TLE1: variants seen among roughly 807,000 people sequenced by gnomAD.
TLE1 encodes the protein TLE family member 1, transcriptional corepressor.
Under a neutral mutation model 89.8 loss-of-function variants are expected in TLE1, and 21 were observed. The observed-to-expected ratio is 0.23, with a 90% CI of 0.17 to 0.34. TLE1 has a LOEUF of 0.34. Ranked by LOEUF, TLE1 falls within the 10% of genes least tolerant of loss-of-function variation. The pLI is 1.00. For missense variants in TLE1, 795 were observed against 1,031.2 expected (o/e 0.77, Z 3.14); for synonymous variants, 447 against 407.6 (o/e 1.10, Z -1.16).
At chr9:81,615,081 C>CAAAAAAAAAAAAAAAA (rs34947337) in intron 11 of TLE1, among the ~76,000 whole-genome samples, 5 of 25,094 alleles carry the variant, frequency 2.0e-4, no homozygotes, top group Non-Finnish European at 3.4e-4. Context: ...GACTCCATCT[C>CAAAAAAAAAAAAAAAA]AAAAAAAAAA....
At chr9:81,630,332 C>T (rs1212644320) in intron 8 of TLE1, among the ~76,000 whole-genome samples, 3 of 152,122 alleles carry the variant, frequency 2.0e-5, no homozygotes, top group African/African-American at 7.2e-5. Flanking sequence ...ACTCAATAAA[C>T]TACAAGGCAT....
At chr9:81,643,050 G>C (rs991771057) in intron 6 of TLE1, among the ~76,000 whole-genome samples, 1 of 152,156 alleles carries the variant, frequency 6.6e-6, no homozygotes, top group African/African-American at 2.4e-5. Context: ...GCAGAGAGTA[G>C]AATGGCGGCT....
At chr9:81,679,450 T>C (rs1833327978) in intron 4 of TLE1, among the ~76,000 whole-genome samples, 1 of 152,186 alleles carries the variant, frequency 6.6e-6, no homozygotes, top group African/African-American at 2.4e-5. Context: ...TTAATTTATG[T>C]TAAAATTTCA....
intron 4 of TLE1, among the ~76,000 whole-genome samples, chr9:81,672,397 G>C (rs190001228): frequency 6.6e-6 from 1 of 150,886 alleles, no homozygotes; most frequent in African/African-American, 2.4e-5. Flanking sequence ...GTGATGGTGC[G>C]ATCTTGGCTC....
At position 81,583,970 on chromosome 9, in the gene TLE1, C is replaced by T. The variant is rs1708306681; in HGVS notation, c.*228G>A. 1.9e-6 allele frequency: 1 copy of T among 526,290 alleles called. No individual in the cohort carries two copies. Among genetic ancestry groups the T allele is most frequent in the Non-Finnish European group, 3.4e-6 (1 of 293,392 alleles). The allele number at this position is 526,290 out of a possible 1,614,324, so 32.6% of individuals were successfully genotyped here. Reference sequence around the variant, plus strand: ...CGTTCCTCAATCCTACAACCCATGGCCCCTCTGTCCGCTTGGCCTTGGTGC... The same window carrying T: ...CGTTCCTCAATCCTACAACCCATGGTCCCTCTGTCCGCTTGGCCTTGGTGC... On this transcript the variant is annotated 3_prime_UTR_variant, in exon 20 of 20. Transcript: ENST00000376499.
At chr9:81,638,633 T>G (rs929030846) in intron 6 of TLE1, among the ~76,000 whole-genome samples, 3 of 152,142 alleles carry the variant, frequency 2.0e-5, no homozygotes, top group Admixed American at 6.5e-5. Flanking sequence ...TATGCACACT[T>G]TTCTTTTTTT....
intron 14 of TLE1, among the ~76,000 whole-genome samples, chr9:81,594,935 A>C (rs1017649717): frequency 9.2e-5 from 14 of 152,228 alleles, no homozygotes; most frequent in African/African-American, 3.4e-4. Context: ...AATATCAGAC[A>C]CATGAAGACT....
chr9:81,647,087 T>C (rs1047617602), intron 6 of TLE1, among the ~76,000 whole-genome samples: 4 of 152,122 alleles, frequency 2.6e-5, no homozygotes, highest in African/African-American at 9.7e-5. Context: ...AATTTCTTGA[T>C]CTCCTGAAGT....
In TLE1 at chr9:81,616,702, G is replaced by A; in HGVS notation, c.712-3C>T. The A allele has an allele frequency of 6.2e-7, 1 of 1,613,530 alleles. No individual in the cohort carries two copies. Among genetic ancestry groups the A allele is most frequent in the Non-Finnish European group, 8.5e-7 (1 of 1,179,850 alleles). On this transcript the variant is annotated splice_polypyrimidine_tract_variant and splice_region_variant and intron_variant, in intron 9 of 19. Coordinates refer to ENST00000376499, the MANE Select transcript of TLE1 (RefSeq NM_005077.5). The stretch of plus-strand genomic sequence containing the variant: ...TCGCTTTTGTCACCATCACTGTCCT[G>A]GAAAAAAGAAACATTAACGCCATTT...
chr9:81,630,096 G>C (rs1291624514), intron 8 of TLE1, among the ~76,000 whole-genome samples: 1 of 151,468 alleles, frequency 6.6e-6, no homozygotes, highest in Non-Finnish European at 1.5e-5. Context: ...TTCTGCACTT[G>C]GTATAAATAA....
chr9:81,600,620 T>C (rs934941867), intron 14 of TLE1, among the ~76,000 whole-genome samples: 1 of 115,818 alleles, frequency 8.6e-6, no homozygotes, highest in African/African-American at 3.8e-5. Context: ...TTTTAGCATT[T>C]AATAGACCAA....
rs954597210 is a variant in TLE1 at position 81,587,688 on chromosome 9, G to A, written c.1970C>T (p.Thr657Ile). The change falls in exon 17 of 20, where the codon ACC (threonine) becomes ATC (isoleucine). Residue 657 changes from threonine (T) to isoleucine (I), a missense_variant. Thr to Ile is a moderately conservative substitution (Grantham distance 89). Coordinates refer to ENST00000376499, the MANE Select transcript of TLE1 (RefSeq NM_005077.5). ...CGGAAGCCACTCAGTCACCTGGGAG[G>A]TGAAGTCGTGCTGCTGCAGCTGCCG... ...EGRQLQQHDF[T>I]SQIFSLGYCP... is the part of the protein sequence containing the mutation. 1.9e-6 allele frequency: 3 copies of A among 1,611,578 alleles called. No homozygotes were observed. The highest frequency in any genetic ancestry group is 2.7e-5 in the African/African-American group (2 of 74,908).
At chr9:81,649,756 C>G (rs999024320) in intron 6 of TLE1, among the ~76,000 whole-genome samples, 1 of 152,152 alleles carries the variant, frequency 6.6e-6, no homozygotes, top group African/African-American at 2.4e-5. Context: ...CCGGTACCTC[C>G]TCCCCTCTGG....
chr9:81,625,610 G>C (rs901935842), intron 8 of TLE1, among the ~76,000 whole-genome samples: 6 of 152,102 alleles, frequency 3.9e-5, no homozygotes, highest in Non-Finnish European at 8.8e-5. Context: ...CTTCATGTAA[G>C]AACTTACAAT....
chr9:81,610,431 CTTTT>C (rs1823550697), intron 13 of TLE1, 135 bp from the exon 14 acceptor site: 2 of 680,718 alleles, frequency 2.9e-6, no homozygotes, highest in South Asian at 3.8e-5. Context: ...TAGTGTTTTT[CTTTT>C]TAATTACTAT....
At chr9:81,649,492 A>C (rs1418588673) in intron 6 of TLE1, among the ~76,000 whole-genome samples, 1 of 152,184 alleles carries the variant, frequency 6.6e-6, no homozygotes, top group African/African-American at 2.4e-5. Flanking sequence ...ATTGTACCTT[A>C]AAGGGAATGA....
intron 6 of TLE1, among the ~76,000 whole-genome samples, chr9:81,642,928 A>T (rs1041351544): frequency 6.6e-6 from 1 of 152,322 alleles, no homozygotes; most frequent in Admixed American, 6.5e-5. Context: ...ACCACTTACG[A>T]CAACATGGGC....
At chr9:81,631,491 GCTT>G (rs1406380251) in intron 8 of TLE1, among the ~76,000 whole-genome samples, 3 of 152,140 alleles carry the variant, frequency 2.0e-5, no homozygotes, top group African/African-American at 7.2e-5. Context: ...CTCCAGTCTT[GCTT>G]CTTTTAGTAA....
At chr9:81,683,541 AC>A (rs778894614) in intron 4 of TLE1, among the ~76,000 whole-genome samples, 1 of 152,198 alleles carries the variant, frequency 6.6e-6, no homozygotes, top group Non-Finnish European at 1.5e-5. Context: ...TACTAGCTGC[AC>A]CAAATGCCTC....
Sources: allele counts gnomAD v4.1 joint callset (sites outside exome capture counted in the v4.1 genomes callset), GRCh38; gene constraint gnomAD v4.1.1; transcripts MANE v1.5; gene names NCBI Gene and HGNC (gene_info 2026-07-23, HGNC 2026-07-21).